CAGE1: variants seen among roughly 807,000 people sequenced by gnomAD.
CAGE1 encodes the protein cancer-associated gene 1 protein.
CAGE1 carries 66 observed loss-of-function variants against 94.9 expected under a neutral mutation model. The observed-to-expected ratio is 0.70, with a 90% CI of 0.57 to 0.85. The LOEUF is 0.85. Ranked by LOEUF, CAGE1 falls within the 40% of genes least tolerant of loss-of-function variation. CAGE1 has a pLI of 0.00. For synonymous variants in CAGE1, 319 were observed against 321.0 expected, an observed-to-expected ratio of 0.99 and a Z score of 0.07; for missense variants, 865 against 950.4, an observed-to-expected ratio of 0.91 and a Z score of 1.18.
intron 3 of CAGE1, 133 bp from the exon 4 acceptor site, chr6:7,379,153 G>T: frequency 1.7e-6 from 1 of 574,896 alleles, no homozygotes; most frequent in Non-Finnish European, 2.8e-6. Flanking sequence ...CTTATTTACT[G>T]TGTGAATTTT....
intron 11 of CAGE1, among the ~76,000 whole-genome samples, chr6:7,336,548 C>T (rs1001906527): frequency 7.9e-5 from 12 of 152,092 alleles, no homozygotes; most frequent in African/African-American, 2.9e-4. Context: ...CTTGATCTGT[C>T]GCCAAGACTG....
rs1453781899 is a variant in CAGE1, at chr6:7,326,763, TATC to T, written c.*92_*94del. 4.7e-6 allele frequency: 4 copies of T among 856,962 alleles called. No individual in the cohort carries two copies. In the East Asian group the frequency reaches 7.3e-5, roughly 16 times the overall value. 53.1% of individuals were successfully genotyped at this position (856,962 alleles called of 1,614,324 possible). ...TTTACCCTTTATACAGATTTTAATA[TATC>T]ATCTGCATGGATTGATTTGGCTAGC... On this transcript the variant is annotated 3_prime_UTR_variant, in exon 14 of 14. Transcript: ENST00000502583.
At chr6:7,347,509 G>A (rs1275663696) in intron 11 of CAGE1, 4 of 133,196 alleles carry the variant, frequency 3.0e-5, no homozygotes, top group South Asian at 2.9e-4. Context: ...AGGGTGGGGG[G>A]GGGGGTTGGG....
intron 3 of CAGE1, among the ~76,000 whole-genome samples, chr6:7,380,728 G>T (rs1317816824): frequency 6.6e-6 from 1 of 151,826 alleles, no homozygotes; most frequent in African/African-American, 2.4e-5. Flanking sequence ...TCTACTGAAA[G>T]ATTACACTTT....
Position 7,358,025 on chromosome 6 carries a change from G to GAAATATATAT in CAGE1, c.2194-1897_2194-1896insATATATATTT, listed in dbSNP as rs1491488344. 6.6e-3 allele frequency among the ~76,000 whole-genome samples: 134 copies of GAAATATATAT among 20,278 alleles called. 2 individuals are homozygous for GAAATATATAT. Among genetic ancestry groups the GAAATATATAT allele is most frequent in the South Asian group, 0.016 (7 of 432 alleles). The allele number at this position is 20,278 out of a possible 152,430, so 13.3% of individuals were successfully genotyped here. A position where few individuals can be genotyped will look rare whatever the true frequency, so the allele number is the denominator to read the frequency against. On this transcript the variant is annotated intron_variant, in intron 9 of 13. Transcript: ENST00000502583. ...GCCAGACTGCGGTTAGGTAAGTTTT[G>GAAATATATAT]AGATATATATATATATATATATATA... is the stretch of plus-strand genomic sequence containing the variant.
chr6:7,373,905 A>G lies in CAGE1; in HGVS notation c.914T>C (p.Leu305Ser). Residue 305 changes from leucine to serine, a missense_variant, in exon 5 of 14, where the codon TTA becomes TCA. By Grantham distance (145) the Leu-to-Ser change is moderately radical. Coordinates refer to ENST00000502583, the MANE Select transcript of CAGE1 (RefSeq NM_001170692.2). The stretch of plus-strand genomic sequence containing the variant: ...TTTTAATTTCTGCAAGACTTCATTT[A>G]AAGCCATGTCCTCTTGAACAGGTTG... ...SLQPVQEDMA[L>S]NEVLQKLKHT... The G allele has an allele frequency of 6.2e-7, 1 of 1,614,008 alleles. No individual in the cohort carries two copies. Among genetic ancestry groups the G allele is most frequent in the Non-Finnish European group, 8.5e-7 (1 of 1,179,890 alleles).
At chr6:7,345,568 A>G (rs1294665864) in intron 11 of CAGE1, among the ~76,000 whole-genome samples, 1 of 152,224 alleles carries the variant, frequency 6.6e-6, no homozygotes, top group African/African-American at 2.4e-5. Flanking sequence ...TCAGCCTTTT[A>G]GAAAAACAAT....
intron 11 of CAGE1, among the ~76,000 whole-genome samples, chr6:7,353,736 CA>C (rs2113405865): frequency 7.5e-6 from 1 of 133,228 alleles, no homozygotes; most frequent in Non-Finnish European, 1.6e-5. Context: ...CACACACACA[CA>C]CACACGATGG....
chr6:7,341,979 C>T (rs1561849599), intron 11 of CAGE1: 2 of 749,436 alleles, frequency 2.7e-6, no homozygotes, highest in Non-Finnish European at 5.0e-6. Context: ...AGAGCTTGTT[C>T]TCACTGGTGC....
At chr6:7,332,677 G>A (rs1398285008) in intron 12 of CAGE1, among the ~76,000 whole-genome samples, 1 of 152,152 alleles carries the variant, frequency 6.6e-6, no homozygotes, top group Non-Finnish European at 1.5e-5. Context: ...AAGGCTTTAG[G>A]TAAAAGAGGT....
chr6:7,344,608 G>C (rs1013146192), intron 11 of CAGE1, among the ~76,000 whole-genome samples: 1 of 151,974 alleles, frequency 6.6e-6, no homozygotes, highest in Admixed American at 6.5e-5. Context: ...GCGGGCGTAC[G>C]GCCCGAGACT....
chr6:7,370,272 A>G (rs1183962416), intron 5 of CAGE1, among the ~76,000 whole-genome samples: 2 of 152,172 alleles, frequency 1.3e-5, no homozygotes, highest in Non-Finnish European at 2.9e-5. Flanking sequence ...TAACTCCATT[A>G]TGTAGAAGCA....
At position 7,354,672 on chromosome 6, in the gene CAGE1, T is replaced by C. The variant is rs529462943; in HGVS notation, c.2369+369A>G. 2.6e-5 allele frequency among the ~76,000 whole-genome samples: 4 copies of C among 152,338 alleles called. No homozygotes were observed. The East Asian group carries it at 7.7e-4, about 29-fold the overall frequency. On this transcript the variant is annotated intron_variant, in intron 11 of 13. Coordinates refer to ENST00000502583, the MANE Select transcript of CAGE1 (RefSeq NM_001170692.2). ...TCTCATGAGTTTATTTCCTTCTTGA[T>C]ATATGTATGAATATGTTTAATTTGG...
chr6:7,386,254 CA>C (rs1168908359), intron 2 of CAGE1, among the ~76,000 whole-genome samples: 1 of 152,144 alleles, frequency 6.6e-6, no homozygotes, highest in Non-Finnish European at 1.5e-5. Flanking sequence ...ATATATAAAA[CA>C]GGCATATATC....
chr6:7,360,473 T>G (rs915285161), intron 9 of CAGE1, among the ~76,000 whole-genome samples: 32 of 152,304 alleles, frequency 2.1e-4, no homozygotes, highest in Non-Finnish European at 1.8e-4. Flanking sequence ...TGTCTTACAC[T>G]CTGATAGTGT....
intron 11 of CAGE1, among the ~76,000 whole-genome samples, chr6:7,345,250 C>T (rs756056493): frequency 1.9e-4 from 29 of 152,304 alleles, no homozygotes; most frequent in African/African-American, 4.6e-4. Flanking sequence ...GAAGGAACAA[C>T]TCCAGACACG....
intron 9 of CAGE1, among the ~76,000 whole-genome samples, chr6:7,363,272 A>C (rs1255496408): frequency 1.3e-5 from 2 of 152,082 alleles, no homozygotes; most frequent in Non-Finnish European, 1.5e-5. Flanking sequence ...CCGTCTCTAA[A>C]AACAAACAAA....
intron 11 of CAGE1, among the ~76,000 whole-genome samples, chr6:7,342,317 G>A (rs566019213): frequency 5.9e-5 from 9 of 152,344 alleles, no homozygotes; most frequent in East Asian, 5.8e-4. Context: ...TCATGCTCAC[G>A]GATGGCCTGA....
At chr6:7,345,284 A>G (rs914076083) in intron 11 of CAGE1, among the ~76,000 whole-genome samples, 16 of 152,206 alleles carry the variant, frequency 1.1e-4, no homozygotes, top group Non-Finnish European at 1.9e-4. Flanking sequence ...TGCAGCACTG[A>G]CTGTTAAAGG....
Sources: allele counts gnomAD v4.1 joint callset (sites outside exome capture counted in the v4.1 genomes callset), GRCh38; gene constraint gnomAD v4.1.1; transcripts MANE v1.5; gene names NCBI Gene and HGNC (gene_info 2026-07-23, HGNC 2026-07-21).